The following PGM2 variants were observed in gnomAD, a reference collection of about 807,000 sequenced individuals.
PGM2 encodes phosphoglucomutase 2.
A neutral mutation model predicts 74.6 loss-of-function variants in PGM2; 57 were observed. The ratio of observed to expected loss-of-function variants is 0.76; its 90% CI spans 0.62 to 0.95. PGM2 has a LOEUF of 0.95. PGM2 is among the 40% of genes least tolerant of loss of function. The pLI is 0.00. For synonymous variants in PGM2, 273 were observed against 260.7 expected, an observed-to-expected ratio of 1.05 and a Z score of -0.46; for missense variants, 706 against 741.9, an observed-to-expected ratio of 0.95 and a Z score of 0.56.
At position 37,862,428 on chromosome 4, in the gene PGM2, T is replaced by C. The variant is rs1426540557; in HGVS notation, c.*816T>C. The C allele has an allele frequency of 1.3e-5, 2 of 152,178 alleles. No individual in the cohort carries two copies. Among genetic ancestry groups the C allele is most frequent in the African/African-American group, 4.8e-5 (2 of 41,466 alleles). The allele number at this position is 152,178 out of a possible 1,614,324, so 9.4% of individuals were successfully genotyped here. On this transcript the variant is annotated 3_prime_UTR_variant, in exon 14 of 14. Coordinates refer to ENST00000381967, the MANE Select transcript of PGM2 (RefSeq NM_018290.4). Reference sequence around the variant, plus strand: ...GCAAGACCTATGAGCAAGAACTATTTACTTGACCCTCGTTTTTTTCTCTTG... The same window carrying C: ...GCAAGACCTATGAGCAAGAACTATTCACTTGACCCTCGTTTTTTTCTCTTG...
At chr4:37,826,842 C>G in intron 1 of PGM2, 29 bp downstream of exon 1, 2 of 1,462,496 alleles carry the variant, frequency 1.4e-6, no homozygotes, top group Non-Finnish European at 9.4e-7. Context: ...CGGGGAGCGC[C>G]TGGAGCGGGG....
rs1377932665 is a variant in PGM2, at chr4:37,848,618, C to G, written c.1379C>G (p.Ser460Cys). Residue 460 changes from serine to cysteine, a missense_variant, in exon 11 of 14, where the codon TCT (serine) becomes TGT (cysteine). Physicochemically the swap from Ser to Cys is moderately radical, Grantham distance 112. This residue lies in a region of PGM2 where 359 missense variants were observed against 371.1 expected (regional missense o/e 0.97). Transcript: ENST00000381967. ...AGCTTCCTAGCAACCAAGAATTTGT[C>G]TTTGTCTCAGCAACTAAAGGCCATT... Reference protein sequence around the residue: ...LASFLATKNLSLSQQLKAIYV... With the variant: ...LASFLATKNLCLSQQLKAIYV... 2 of 1,613,754 alleles carry G rather than the reference C, an allele frequency of 1.2e-6. No homozygotes were observed.
intron 2 of PGM2, among the ~76,000 whole-genome samples, chr4:37,832,791 A>C (rs754726343): frequency 6.6e-6 from 1 of 152,156 alleles, no homozygotes. Context: ...TAGACTTTAC[A>C]TATTGGTCTT....
In PGM2 at chr4:37,850,347, G is replaced by A; in HGVS notation, c.1576G>A (p.Asp526Asn). ...CATTAGGGACCTTACAACTGGCTAT[G>A]ATGATAGCCAACCTGATAAAAAAGC... is the stretch of plus-strand genomic sequence containing the variant. ...SAIRDLTTGY[D>N]DSQPDKKAVL... is the part of the protein sequence containing the mutation. The change falls in exon 12 of 14, where the codon GAT becomes AAT. Residue 526 changes from aspartate to asparagine, a missense_variant. By Grantham distance (23) the Asp-to-Asn change is conservative (BLOSUM62 1). Transcript: ENST00000381967. 6.4e-7 allele frequency: 1 copy of A among 1,558,120 alleles called. No homozygotes were observed. The highest frequency in any genetic ancestry group is 2.2e-5 in the Admixed American group (1 of 45,220).
At chr4:37,847,589 C>A (rs1725911239) in intron 10 of PGM2, 16 of 363,556 alleles carry the variant, frequency 4.4e-5, no homozygotes, top group South Asian at 3.6e-4. Context: ...ATGTTTCCTC[C>A]ACTGTGGTGG....
chr4:37,848,414 C>T, intron 10 of PGM2, 108 bp from the exon 11 acceptor site: 1 of 901,590 alleles, frequency 1.1e-6, no homozygotes, highest in South Asian at 1.9e-5. Flanking sequence ...GAGAAATGTG[C>T]ATACACGCAA....
Position 37,844,544 on chromosome 4 carries a change from A to G in PGM2, c.900A>G (p.Lys300=), listed in dbSNP as rs1413504949. 1.9e-6 allele frequency: 3 copies of G among 1,605,092 alleles called. No homozygotes were observed. The highest frequency in any genetic ancestry group is 2.7e-5 in the African/African-American group (2 of 74,530). Residue 300 remains lysine (K), a synonymous_variant, in exon 7 of 14, where the codon AAA becomes AAG. Transcript: ENST00000381967. The part of the protein sequence containing the change: ...TVKYPNPEEG[K]GVLTLSFALA... ...AATACCCGAATCCCGAAGAGGGGAAAGGTGTCTTGGTAACCTAATTTTTTT... is the reference window on the plus strand; with the variant it reads ...AATACCCGAATCCCGAAGAGGGGAAGGGTGTCTTGGTAACCTAATTTTTTT...
rs754558839 is a variant in PGM2, at chr4:37,847,197, T to G, written c.1189-5T>G. Reference sequence around the variant, plus strand: ...ATGTCTTTCTCTTTTGGATTATCCCTTTAGGAAACATTAACTGGCTTTAAG... The same window carrying G: ...ATGTCTTTCTCTTTTGGATTATCCCGTTAGGAAACATTAACTGGCTTTAAG... On this transcript the variant is annotated splice_polypyrimidine_tract_variant and splice_region_variant and intron_variant, in intron 9 of 13. Transcript: ENST00000381967. The G allele has an allele frequency of 6.2e-7, 1 of 1,612,102 alleles. No homozygotes were observed. The highest frequency in any genetic ancestry group is 8.5e-7 in the Non-Finnish European group (1 of 1,178,174).
intron 2 of PGM2, among the ~76,000 whole-genome samples, chr4:37,832,894 G>A (rs1241661515): frequency 2.0e-5 from 3 of 152,072 alleles, no homozygotes; most frequent in African/African-American, 7.2e-5. Context: ...CCCCCACTGA[G>A]TCTTTCATCT....
Position 37,850,505 on chromosome 4 carries a change from A to T in PGM2, c.1602+132A>T, listed in dbSNP as rs922994472. On this transcript the variant is annotated intron_variant, in intron 12 of 13. Coordinates refer to ENST00000381967, the MANE Select transcript of PGM2 (RefSeq NM_018290.4). Reference sequence around the variant, plus strand: ...TTAGGCGTGATTATAAATAAGCTATAAAAAATATATGGAAGCCGGATGTGG... The same window carrying T: ...TTAGGCGTGATTATAAATAAGCTATTAAAAATATATGGAAGCCGGATGTGG... 1.3e-4 allele frequency: 75 copies of T among 561,020 alleles called. 1 individual carries two copies. Among genetic ancestry groups the T allele is most frequent in the Middle Eastern group, 9.7e-4 (2 of 2,060 alleles). The allele number at this position is 561,020 out of a possible 1,614,324, so 34.8% of individuals were successfully genotyped here.
intron 12 of PGM2, among the ~76,000 whole-genome samples, chr4:37,852,713 G>A (rs1726086070): frequency 6.6e-6 from 1 of 152,154 alleles, no homozygotes; most frequent in Non-Finnish European, 1.5e-5. Context: ...CTGTATGTAA[G>A]GTTATTGATG....
At chr4:37,859,383 A>G (rs780045697) in intron 13 of PGM2, among the ~76,000 whole-genome samples, 2 of 152,164 alleles carry the variant, frequency 1.3e-5, no homozygotes, top group Non-Finnish European at 2.9e-5. Flanking sequence ...CAACCTGTGC[A>G]ATTGATTGTA....
intron 12 of PGM2, among the ~76,000 whole-genome samples, chr4:37,853,105 C>T (rs1031783905): frequency 2.0e-5 from 3 of 152,036 alleles, no homozygotes; most frequent in African/African-American, 7.2e-5. Flanking sequence ...CTTTCAGTGC[C>T]TCTGTTGGCT....
In PGM2 at chr4:37,850,277, A is replaced by G. The variant is rs1216265164; in HGVS notation, c.1506A>G (p.Gly502=). 14 of 1,590,342 alleles carry G rather than the reference A, an allele frequency of 8.8e-6. No homozygotes were observed. Among genetic ancestry groups the G allele is most frequent in the Admixed American group, 5.7e-5 (3 of 52,960 alleles). The change falls in exon 12 of 14, where the codon GGA becomes GGG. Residue 502 remains glycine (G), a synonymous_variant. Coordinates refer to ENST00000381967, the MANE Select transcript of PGM2 (RefSeq NM_018290.4). ...KLFENLRNYD[G]KNNYPKACGK... ...TTGAAAACCTCAGAAACTACGATGG[A>G]AAAAATAATTATCCAAAAGCTTGTG...
intron 10 of PGM2, 103 bp downstream of exon 10, chr4:37,847,398 C>A: frequency 1.3e-6 from 1 of 783,008 alleles, no homozygotes; most frequent in Non-Finnish European, 2.1e-6. Context: ...TATTTTGCCT[C>A]TCCAGCACTC....
intron 6 of PGM2, among the ~76,000 whole-genome samples, 161 bp from the exon 7 acceptor site, chr4:37,844,203 G>A (rs1725803099): frequency 7.8e-6 from 1 of 128,576 alleles, no homozygotes; most frequent in Non-Finnish European, 1.9e-5. Flanking sequence ...TGAGTATGTT[G>A]AGGGAAGGAA....
In PGM2 at chr4:37,845,399, C is replaced by T. The variant is rs112998504; in HGVS notation, c.910-234C>T. 3.3e-5 allele frequency among the ~76,000 whole-genome samples: 5 copies of T among 152,338 alleles called. 1 individual carries two copies. The highest frequency in any genetic ancestry group is 1.2e-4 in the African/African-American group (5 of 41,582). ...GGCACACTGGTAGGCTTGGGTCACA[C>T]ACCGATGCTCCCATTATCTGACCTC... On this transcript the variant is annotated intron_variant, in intron 7 of 13. Coordinates refer to ENST00000381967, the MANE Select transcript of PGM2 (RefSeq NM_018290.4).
At chr4:37,836,172 A>C in intron 3 of PGM2, among the ~76,000 whole-genome samples, 1 of 152,014 alleles carries the variant, frequency 6.6e-6, no homozygotes, top group African/African-American at 2.4e-5. Flanking sequence ...TAAGGTACAG[A>C]TTTTTTTGCC....
intron 2 of PGM2, among the ~76,000 whole-genome samples, chr4:37,830,765 T>C (rs1725421651): frequency 6.6e-6 from 1 of 152,170 alleles, no homozygotes; most frequent in South Asian, 2.1e-4. Context: ...GTCACTTTAA[T>C]TGTGGGAAAA....
Sources: gnomAD v4.1 joint callset for allele counts (sites outside exome capture counted in the v4.1 genomes callset) on GRCh38, gnomAD v4.1.1 for gene constraint, gnomAD v4.1.1 regional missense constraint, MANE v1.5 for transcripts, NCBI Gene and HGNC (gene_info 2026-07-23, HGNC 2026-07-21) for gene names.